Variants in PTPMT1 observed in about 807,000 individuals in gnomAD.
PTPMT1 encodes the protein protein tyrosine phosphatase mitochondrial 1, also known as phosphatidylglycerophosphatase and protein-tyrosine phosphatase 1.
Under a neutral mutation model 17.8 loss-of-function variants are expected in PTPMT1, and 12 were observed. The ratio of observed to expected loss-of-function variants is 0.67; its 90% CI spans 0.43 to 1.09. PTPMT1 has a LOEUF of 1.09. PTPMT1 is among the 50% of genes least tolerant of loss of function. The pLI is 0.00. For synonymous variants in PTPMT1, 132 were observed against 116.8 expected (o/e 1.13, Z -0.84); for missense variants, 262 against 266.0 (o/e 0.99, Z 0.10).
Position 47,565,790 on chromosome 11 carries a change from G to A in PTPMT1, c.168G>A (p.Thr56=). 2 of 1,590,534 alleles carry A rather than the reference G, an allele frequency of 1.3e-6. No homozygotes were observed. The highest frequency in any genetic ancestry group is 1.7e-6 in the Non-Finnish European group (2 of 1,169,672). ...GCGCGCTGCCGTTGCGGAGCTTGAC[G>A]CGCCAGGTGAGCCGGGCCGGGGAGC... ...LLGALPLRSL[T]RQLVQDENVR... is the part of the protein sequence containing the mutation. The change falls in exon 1 of 4, where the codon ACG becomes ACA. Residue 56 remains threonine (T), a synonymous_variant. Transcript: ENST00000326674.
chr11:47,572,949 A>C lies in PTPMT1; in HGVS notation c.*1320A>C, dbSNP rs774788281. The stretch of plus-strand genomic sequence containing the variant: ...ACAGCCTTAGGCCAACACAAACTGC[A>C]AATTGGTAAGCAGCACCTTAATACC... On this transcript the variant is annotated 3_prime_UTR_variant, in exon 4 of 4. Coordinates refer to ENST00000326674, the MANE Select transcript of PTPMT1 (RefSeq NM_175732.3). 1 of 1,613,778 alleles carries C rather than the reference A, an allele frequency of 6.2e-7. No homozygotes were observed. Among genetic ancestry groups the C allele is most frequent in the Non-Finnish European group, 8.5e-7 (1 of 1,179,816 alleles).
Position 47,573,059 on chromosome 11 carries a change from G to T in PTPMT1, c.*1430G>T. ...TTTTATATCGGTCCCGGAAGACATA[G>T]ATGCTCCCGTTACAGCTGGCAATCT... is the stretch of plus-strand genomic sequence containing the variant. On this transcript the variant is annotated 3_prime_UTR_variant, in exon 4 of 4. Transcript: ENST00000326674. The surrounding 1 kb of genome is among the most constrained non-coding windows in gnomAD (Gnocchi z 4.1). 1 of 1,614,168 alleles carries T rather than the reference G, an allele frequency of 6.2e-7. No individual in the cohort carries two copies. Among genetic ancestry groups the T allele is most frequent in the Non-Finnish European group, 8.5e-7 (1 of 1,180,030 alleles).
At chr11:47,570,034 T>C (rs1598780799) in intron 3 of PTPMT1, 143 bp downstream of exon 3, 2 of 643,128 alleles carry the variant, frequency 3.1e-6, no homozygotes, top group East Asian at 5.6e-5. Flanking sequence ...CTACAAAAAA[T>C]ACAACAAGTT....
chr11:47,571,397 C>T, intron 3 of PTPMT1, 74 bp from the exon 4 acceptor site: 1 of 1,356,138 alleles, frequency 7.4e-7, no homozygotes, highest in Non-Finnish European at 1.0e-6. Flanking sequence ...TCCTTTAGCA[C>T]CTGCTCATGG....
rs766114198 is a variant in PTPMT1 at position 47,565,928 on chromosome 11, G to A, written c.197G>A (p.Arg66His). ...TRQLVQDENV[R>H]GVITMNEEYE... ...CAGCTGGTACAGGACGAGAACGTGC[G>A]CGGGGTGATCACCATGAACGAGGAG... Residue 66 changes from arginine to histidine, a missense_variant, in exon 2 of 4, where the codon CGC becomes CAC. By Grantham distance (29) the Arg-to-His change is conservative. Transcript: ENST00000326674. 27 of 1,611,074 alleles carry A rather than the reference G, an allele frequency of 1.7e-5. No homozygotes were observed. The East Asian group carries it at 6.1e-4, about 36-fold the overall frequency.
In PTPMT1 at chr11:47,565,758, C is replaced by G. The variant is rs747019651; in HGVS notation, c.136C>G (p.Leu46Val). 1.8e-5 allele frequency: 29 copies of G among 1,594,546 alleles called. 1 individual carries two copies. In the South Asian group the frequency reaches 3.2e-4, roughly 17 times the overall value. Residue 46 changes from leucine to valine, a missense_variant, in exon 1 of 4, where the codon CTG (leucine) becomes GTG (valine). Coordinates refer to ENST00000326674, the MANE Select transcript of PTPMT1 (RefSeq NM_175732.3). ...DWYHRIDPTV[L>V]LGALPLRSLT... ...GTACCACCGCATCGACCCCACCGTGCTGCTGGGCGCGCTGCCGTTGCGGAG... is the reference window on the plus strand; with the variant it reads ...GTACCACCGCATCGACCCCACCGTGGTGCTGGGCGCGCTGCCGTTGCGGAG...
intron 2 of PTPMT1, among the ~76,000 whole-genome samples, chr11:47,568,379 C>CA (rs1006726605): frequency 2.6e-5 from 4 of 151,614 alleles, no homozygotes; most frequent in Non-Finnish European, 5.9e-5. Context: ...CAAAATTATG[C>CA]AAAAAAATTA....
rs368775494 is a variant in PTPMT1, at chr11:47,571,488, A to G, written c.465A>G (p.Pro155=). ...TACTTCAGGTGCACAAATGGAGTCC[A>G]GAGGAGGCTGTAAGAGCCATCGCCA... ...AYLIQVHKWS[P]EEAVRAIAKI... Residue 155 remains proline, a synonymous_variant, in exon 4 of 4, where the codon CCA becomes CCG. Coordinates refer to ENST00000326674, the MANE Select transcript of PTPMT1 (RefSeq NM_175732.3). 39 of 1,613,936 alleles carry G rather than the reference A, an allele frequency of 2.4e-5. No homozygotes were observed. Among genetic ancestry groups the G allele is most frequent in the Non-Finnish European group, 1.1e-5 (13 of 1,180,016 alleles).
chr11:47,565,714 G>A lies in PTPMT1; in HGVS notation c.92G>A (p.Gly31Asp), dbSNP rs1156580679. Residue 31 changes from glycine (G) to aspartate (D), a missense_variant, in exon 1 of 4, where the codon GGT (glycine) becomes GAT (aspartate). Coordinates refer to ENST00000326674, the MANE Select transcript of PTPMT1 (RefSeq NM_175732.3). ...ACCCTGTTCCGCGGGAAGGTGCCGGGTCGGGCGCACCGGGACTGGTACCAC... is the reference window on the plus strand; with the variant it reads ...ACCCTGTTCCGCGGGAAGGTGCCGGATCGGGCGCACCGGGACTGGTACCAC... ...LYTLFRGKVP[G>D]RAHRDWYHRI... 1.3e-6 allele frequency: 2 copies of A among 1,576,384 alleles called. No homozygotes were observed. The highest frequency in any genetic ancestry group is 1.7e-6 in the Non-Finnish European group (2 of 1,164,826).
chr11:47,573,172 C>G lies in PTPMT1; in HGVS notation c.*1543C>G. The G allele has an allele frequency of 6.2e-7, 1 of 1,614,176 alleles. No homozygotes were observed. On this transcript the variant is annotated 3_prime_UTR_variant, in exon 4 of 4. Transcript: ENST00000326674. This position sits in a 1 kb window ranked among gnomAD's most constrained non-coding sequence, Gnocchi z 4.1. ...AAGGGATTGTAGCACACCAGGGAGT[C>G]CCCTTCAGCCACGATGAACACCAGA...
At chr11:47,566,630 ATTCT>A (rs1376433874) in intron 2 of PTPMT1, among the ~76,000 whole-genome samples, 3 of 152,112 alleles carry the variant, frequency 2.0e-5, no homozygotes, top group Non-Finnish European at 4.4e-5. Context: ...GATTTCATTC[ATTCT>A]TTCTATACTT....
At position 47,572,615 on chromosome 11, in the gene PTPMT1, C is replaced by T. The variant is rs1598783747; in HGVS notation, c.*986C>T. 5.9e-6 allele frequency: 2 copies of T among 341,542 alleles called. No homozygotes were observed. Among genetic ancestry groups the T allele is most frequent in the Non-Finnish European group, 1.1e-5 (2 of 187,008 alleles). The allele number at this position is 341,542 out of a possible 1,614,324, so 21.2% of individuals were successfully genotyped here. A position where few individuals can be genotyped will look rare whatever the true frequency, so the allele number is the denominator to read the frequency against. Reference sequence around the variant, plus strand: ...TGGGATCAGGGGTGCTTACATTTAACATTGATCAGGTAAAGAGGAGAGGCT... The same window carrying T: ...TGGGATCAGGGGTGCTTACATTTAATATTGATCAGGTAAAGAGGAGAGGCT... On this transcript the variant is annotated 3_prime_UTR_variant, in exon 4 of 4. Transcript: ENST00000326674.
chr11:47,565,814 G>T lies in PTPMT1; in HGVS notation c.174+18G>T. 3 of 1,585,704 alleles carry T rather than the reference G, an allele frequency of 1.9e-6. No homozygotes were observed. The South Asian group carries it at 3.4e-5, about 18-fold the overall frequency. ...CGCGCCAGGTGAGCCGGGCCGGGGA[G>T]CCCGGGCCCCTGCCCCGTCCCCGCC... On this transcript the variant is annotated intron_variant, in intron 1 of 3. Coordinates refer to ENST00000326674, the MANE Select transcript of PTPMT1 (RefSeq NM_175732.3).
chr11:47,567,188 G>A (rs1270369195), intron 2 of PTPMT1, among the ~76,000 whole-genome samples: 2 of 152,010 alleles, frequency 1.3e-5, no homozygotes, highest in African/African-American at 4.8e-5. Flanking sequence ...GATCACCTGA[G>A]GTCAGGAGTT....
chr11:47,569,017 C>T (rs2097247988), intron 2 of PTPMT1, among the ~76,000 whole-genome samples: 1 of 152,038 alleles, frequency 6.6e-6, no homozygotes, highest in African/African-American at 2.4e-5. Context: ...ACGTTTGCAG[C>T]TGAATTTTTT....
Position 47,565,720 on chromosome 11 carries a change from C to T in PTPMT1, c.98C>T (p.Ala33Val). The T allele has an allele frequency of 1.9e-6, 3 of 1,579,812 alleles. No individual in the cohort carries two copies. Among genetic ancestry groups the T allele is most frequent in the Non-Finnish European group, 2.6e-6 (3 of 1,166,352 alleles). The change falls in exon 1 of 4, where the codon GCG becomes GTG. Residue 33 changes from alanine (A) to valine (V), a missense_variant. Coordinates refer to ENST00000326674, the MANE Select transcript of PTPMT1 (RefSeq NM_175732.3). ...TLFRGKVPGRAHRDWYHRIDP... is the reference protein window; with the variant it reads ...TLFRGKVPGRVHRDWYHRIDP... ...TTCCGCGGGAAGGTGCCGGGTCGGG[C>T]GCACCGGGACTGGTACCACCGCATC...
chr11:47,565,786 T>C lies in PTPMT1; in HGVS notation c.164T>C (p.Leu55Ser). The change falls in exon 1 of 4, where the codon TTG (leucine) becomes TCG (serine). Residue 55 changes from leucine to serine, a missense_variant. Physicochemically the swap from Leu to Ser is moderately radical, Grantham distance 145. Transcript: ENST00000326674. ...VLLGALPLRS[L>S]TRQLVQDENV... ...CTGGGCGCGCTGCCGTTGCGGAGCT[T>C]GACGCGCCAGGTGAGCCGGGCCGGG... 6.3e-7 allele frequency: 1 copy of C among 1,592,070 alleles called. No homozygotes were observed. The highest frequency in any genetic ancestry group is 1.7e-5 in the Admixed American group (1 of 57,716).
rs201265377 is a variant in PTPMT1, at chr11:47,573,336, C to G, written c.*1707C>G. The G allele has an allele frequency of 2.3e-5, 37 of 1,614,104 alleles. No homozygotes were observed. The highest frequency in any genetic ancestry group is 6.7e-5 in the Admixed American group (4 of 60,002). On this transcript the variant is annotated 3_prime_UTR_variant, in exon 4 of 4. Coordinates refer to ENST00000326674, the MANE Select transcript of PTPMT1 (RefSeq NM_175732.3). The surrounding 1 kb of genome is among the most constrained non-coding windows in gnomAD (Gnocchi z 4.1). ...GAAGTCCAGATCATTCTCCTCCCCCCCTAGTAAGTAGATGATCCCGTTGAG... is the reference window on the plus strand; with the variant it reads ...GAAGTCCAGATCATTCTCCTCCCCCGCTAGTAAGTAGATGATCCCGTTGAG...
chr11:47,568,155 C>T (rs7945473), intron 2 of PTPMT1, among the ~76,000 whole-genome samples: 45,597 of 151,236 alleles, frequency 0.3, 7,404 homozygotes, highest in Middle Eastern at 0.41. Context: ...CTCCTGACCT[C>T]GTGATCCGCC....
Sources: allele counts gnomAD v4.1 joint callset (sites outside exome capture counted in the v4.1 genomes callset), GRCh38; gene constraint gnomAD v4.1.1; non-coding constraint Gnocchi (gnomAD v3.1); transcripts MANE v1.5; gene names NCBI Gene and HGNC (gene_info 2026-07-23, HGNC 2026-07-21).